The following LAMA1 variants were observed in gnomAD, a reference collection of about 807,000 sequenced individuals.
LAMA1 encodes laminin subunit alpha-1.
A neutral mutation model predicts 348.7 loss-of-function variants in LAMA1; 219 were observed. The ratio of observed to expected loss-of-function variants is 0.63; its 90% CI spans 0.56 to 0.70. The LOEUF (loss-of-function observed/expected upper bound fraction) is 0.70. LAMA1 is among the 30% of genes least tolerant of loss of function. The pLI, the probability that LAMA1 is intolerant of heterozygous loss-of-function variation, is 0.00. For missense variants in LAMA1, 3,744 were observed against 3,888.0 expected, an observed-to-expected ratio of 0.96 and a Z score of 0.99; for synonymous variants, 1,487 against 1,491.0, an observed-to-expected ratio of 1.00 and a Z score of 0.06.
At chr18:7,065,805 C>T (rs898822018) in intron 3 of LAMA1, among the ~76,000 whole-genome samples, 2 of 152,224 alleles carry the variant, frequency 1.3e-5, no homozygotes, top group African/African-American at 4.8e-5. Flanking sequence ...CGGGCTATCT[C>T]AGTTTGTACA....
Position 7,032,979 on chromosome 18 carries a change from G to T in LAMA1, c.2163+5C>A, listed in dbSNP as rs748897223. On this transcript the variant is annotated splice_donor_5th_base_variant and intron_variant, in intron 15 of 62. Transcript: ENST00000389658. Reference sequence around the variant, plus strand: ...AGGAAAAAGACAGGAAGAGAGAAGCGTCACCTCACAGGAGGTCCCTGTGTA... The same window carrying T: ...AGGAAAAAGACAGGAAGAGAGAAGCTTCACCTCACAGGAGGTCCCTGTGTA... 1.9e-6 allele frequency: 3 copies of T among 1,595,510 alleles called. No individual in the cohort carries two copies. The highest frequency in any genetic ancestry group is 2.7e-5 in the African/African-American group (2 of 74,370).
chr18:6,985,623 T>G lies in LAMA1; in HGVS notation c.5400A>C (p.Gln1800His). 1 of 1,613,566 alleles carries G rather than the reference T, an allele frequency of 6.2e-7. No homozygotes were observed. Among genetic ancestry groups the G allele is most frequent in the Non-Finnish European group, 8.5e-7 (1 of 1,179,504 alleles). ...GCTCTGAGGTCAGATTTTGTTCTTC[T>G]TGAACATGCAGCTTTTTATCCTGCA... Reference protein sequence around the residue: ...REFSDKKLHVQEEQNLTSELI... With the variant: ...REFSDKKLHVHEEQNLTSELI... The change falls in exon 38 of 63, where the codon CAA becomes CAC. Residue 1800 changes from glutamine to histidine, a missense_variant. Gln to His is a conservative substitution (Grantham distance 24). Transcript: ENST00000389658.
intron 33 of LAMA1, 122 bp from the exon 34 acceptor site, chr18:6,995,568 C>T: frequency 2.9e-6 from 2 of 681,796 alleles, no homozygotes; most frequent in Non-Finnish European, 5.3e-6. Flanking sequence ...TTGGAACTGT[C>T]ATTTTAAAAA....
chr18:6,991,748 G>C (rs1214033084), intron 36 of LAMA1, among the ~76,000 whole-genome samples: 1 of 151,916 alleles, frequency 6.6e-6, no homozygotes, highest in Non-Finnish European at 1.5e-5. Context: ...AAAAAGAAGA[G>C]ATATATACAG....
intron 41 of LAMA1, among the ~76,000 whole-genome samples, 177 bp downstream of exon 41, chr18:6,982,320 A>G (rs2057715346): frequency 2.0e-5 from 3 of 152,232 alleles, no homozygotes; most frequent in Admixed American, 1.3e-4. Context: ...TATGAAGTTT[A>G]TATGATAGGA....
intron 16 of LAMA1, among the ~76,000 whole-genome samples, chr18:7,029,931 C>T (rs1221953901): frequency 1.3e-5 from 2 of 149,336 alleles, no homozygotes; most frequent in Non-Finnish European, 3.0e-5. Flanking sequence ...GGGCTATGAA[C>T]AACTACACAA....
At position 6,999,306 on chromosome 18, in the gene LAMA1, C is replaced by T. The variant is rs988931944; in HGVS notation, c.4663+139G>A. ...TCAGTTCAGCAGATGCAACAGTGAT[C>T]TATGCTTAGAAAATAAGAAAATGAA... On this transcript the variant is annotated intron_variant, in intron 32 of 62. Coordinates refer to ENST00000389658, the MANE Select transcript of LAMA1 (RefSeq NM_005559.4). 1.1e-4 allele frequency: 92 copies of T among 874,900 alleles called. 1 individual carries two copies. The highest frequency in any genetic ancestry group is 2.1e-4 in the Admixed American group (10 of 46,534). The allele number at this position is 874,900 out of a possible 1,614,324, so 54.2% of individuals were successfully genotyped here. A position where few individuals can be genotyped will look rare whatever the true frequency, so the allele number is the denominator to read the frequency against.
chr18:7,026,766 G>C (rs551168669), intron 16 of LAMA1, among the ~76,000 whole-genome samples: 1 of 151,878 alleles, frequency 6.6e-6, no homozygotes, highest in South Asian at 2.1e-4. Flanking sequence ...GGGAGGCCAA[G>C]GCAGGTGGAT....
intron 23 of LAMA1, among the ~76,000 whole-genome samples, chr18:7,012,742 T>C (rs2057867238): frequency 6.7e-6 from 1 of 148,506 alleles, no homozygotes; most frequent in Non-Finnish European, 1.5e-5. Flanking sequence ...TGACCTCAAG[T>C]GATTCACCCA....
At chr18:7,094,069 G>A (rs778288671) in intron 1 of LAMA1, among the ~76,000 whole-genome samples, 9 of 152,026 alleles carry the variant, frequency 5.9e-5, no homozygotes, top group South Asian at 2.1e-4. Context: ...GAGCCACTAC[G>A]CCCAGCCAAG....
chr18:7,079,986 C>G lies in LAMA1; in HGVS notation c.334G>C (p.Asp112His). Residue 112 changes from aspartate (D) to histidine (H), a missense_variant, in exon 3 of 63, where the codon GAC becomes CAC. Around this residue, in one of 3 missense-constraint regions of LAMA1, gnomAD observed 1,529 missense variants for 1,689.4 expected, o/e 0.91. Transcript: ENST00000389658. ...CTGGGCTCACCTACCTGTCTTAAGTCCAGAGTGATTGTGACCCAGTGATAT... is the reference window on the plus strand; with the variant it reads ...CTGGGCTCACCTACCTGTCTTAAGTGCAGAGTGATTGTGACCCAGTGATAT... The part of the protein sequence containing the change: ...REYHWVTITL[D>H]LRQVFQVAYV... The G allele has an allele frequency of 6.2e-7, 1 of 1,613,204 alleles. No homozygotes were observed. The highest frequency in any genetic ancestry group is 8.5e-7 in the Non-Finnish European group (1 of 1,179,134).
chr18:6,957,038 C>T (rs538662803), intron 55 of LAMA1: 42 of 421,934 alleles, frequency 1.0e-4, no homozygotes, highest in East Asian at 2.1e-4. Flanking sequence ...AGGTCAGCTC[C>T]GATGCCATCG....
chr18:7,098,606 T>C (rs1431316762), intron 1 of LAMA1, among the ~76,000 whole-genome samples: 2 of 150,258 alleles, frequency 1.3e-5, no homozygotes, highest in South Asian at 2.1e-4. Flanking sequence ...GGAGACCCTC[T>C]GCCCGGCAAC....
In LAMA1 at chr18:6,959,435, C is replaced by A. The variant is rs772910533; in HGVS notation, c.7684G>T (p.Asp2562Tyr). ...GNIEVHVNPG[D>Y]GTGLRKALLH... ...AGAGCTTTTCTCAGGCCTGTCCCAT[C>A]CCCAGGATTGACATGTACCTCAATG... Residue 2562 changes from aspartate (D) to tyrosine (Y), a missense_variant, in exon 54 of 63, where the codon GAT (aspartate) becomes TAT (tyrosine). Physicochemically the swap from Asp to Tyr is radical, Grantham distance 160 (BLOSUM62 -3). Coordinates refer to ENST00000389658, the MANE Select transcript of LAMA1 (RefSeq NM_005559.4). 1 of 1,614,178 alleles carries A rather than the reference C, an allele frequency of 6.2e-7. No homozygotes were observed. The highest frequency in any genetic ancestry group is 8.5e-7 in the Non-Finnish European group (1 of 1,180,032).
chr18:7,053,045 A>G (rs1011559016), intron 3 of LAMA1, among the ~76,000 whole-genome samples: 5 of 152,204 alleles, frequency 3.3e-5, no homozygotes, highest in Admixed American at 1.3e-4. Flanking sequence ...ATAAATAAAC[A>G]AACAAATGCA....
At chr18:7,008,088 C>T (rs1349497177) in intron 28 of LAMA1, among the ~76,000 whole-genome samples, 2 of 151,448 alleles carry the variant, frequency 1.3e-5, no homozygotes, top group Non-Finnish European at 2.9e-5. Context: ...ATGTGCCATG[C>T]ATATATATAT....
chr18:7,103,224 C>T (rs8088152), intron 1 of LAMA1, among the ~76,000 whole-genome samples: 115,093 of 151,884 alleles, frequency 0.76, 45,027 homozygotes, highest in East Asian at 0.99. Flanking sequence ...AAGACCATCA[C>T]GGCTAACATG....
At chr18:7,074,249 T>C (rs1272936579) in intron 3 of LAMA1, among the ~76,000 whole-genome samples, 1 of 152,216 alleles carries the variant, frequency 6.6e-6, no homozygotes, top group South Asian at 2.1e-4. Flanking sequence ...ACTCTTTCAA[T>C]ATAGCAATCC....
intron 1 of LAMA1, among the ~76,000 whole-genome samples, chr18:7,095,976 G>A (rs1489004451): frequency 6.6e-6 from 1 of 152,238 alleles, no homozygotes; most frequent in Non-Finnish European, 1.5e-5. Flanking sequence ...GCTGAGGCAG[G>A]GGAATCGCTT....
Sources: allele counts gnomAD v4.1 joint callset (sites outside exome capture counted in the v4.1 genomes callset), GRCh38; gene constraint gnomAD v4.1.1; regional missense constraint gnomAD v4.1.1; transcripts MANE v1.5; gene names NCBI Gene and HGNC (gene_info 2026-07-23, HGNC 2026-07-21).